Variants in OGDH observed in about 807,000 individuals in gnomAD.
OGDH encodes the protein oxoglutarate dehydrogenase, also known as 2-oxoglutarate dehydrogenase complex component E1.
In OGDH, 38 loss-of-function variants were observed where a neutral mutation model predicts 116.6. That is an observed-to-expected ratio of 0.33 (90% CI 0.25 to 0.43). OGDH has a LOEUF of 0.43. Among genes scored for constraint, OGDH ranks in the 20% least tolerant of loss-of-function variants. The pLI, the probability that OGDH is intolerant of heterozygous loss-of-function variation, is 1.00. For synonymous variants in OGDH, 488 were observed against 533.3 expected (o/e 0.92, Z 1.17); for missense variants, 825 against 1,357.2 (o/e 0.61, Z 6.16).
chr7:44,670,637 G>C (rs969311038), intron 5 of OGDH, among the ~76,000 whole-genome samples: 2 of 152,146 alleles, frequency 1.3e-5, no homozygotes, highest in East Asian at 3.9e-4. Flanking sequence ...GGGATTAGGG[G>C]GCCAACTACA....
chr7:44,679,494 T>G (rs1306134244), intron 9 of OGDH, among the ~76,000 whole-genome samples: 1 of 152,156 alleles, frequency 6.6e-6, no homozygotes, highest in Admixed American at 6.5e-5. Flanking sequence ...AAATCATGGG[T>G]CTTAACCAAG....
chr7:44,670,805 T>G (rs978793744), intron 5 of OGDH, among the ~76,000 whole-genome samples: 1 of 151,672 alleles, frequency 6.6e-6, no homozygotes, highest in Non-Finnish European at 1.5e-5. Context: ...GGTCAGGAGA[T>G]CGAGACCATC....
Position 44,675,920 on chromosome 7 carries a change from G to C in OGDH, c.1027-50G>C, listed in dbSNP as rs780105177. ...TCCCGTATAAAAGGGCTCTTTTGGA[G>C]ACTGAGCATCTCCTTGGCCAGGGTG... On this transcript the variant is annotated intron_variant, in intron 8 of 22. Coordinates refer to ENST00000222673, the MANE Select transcript of OGDH (RefSeq NM_002541.4). The C allele has an allele frequency of 2.5e-6, 4 of 1,588,448 alleles. No individual in the cohort carries two copies. The African/African-American group carries it at 5.4e-5, about 21-fold the overall frequency.
chr7:44,636,933 G>C (rs1330817329), intron 2 of OGDH, among the ~76,000 whole-genome samples: 1 of 152,096 alleles, frequency 6.6e-6, no homozygotes, highest in Non-Finnish European at 1.5e-5. Context: ...GAGTGGGGTG[G>C]GGGGGCACAC....
chr7:44,707,744 T>C lies in OGDH; in HGVS notation c.2951+8T>C. Reference sequence around the variant, plus strand: ...CCGCGCCAAGCCCGTCTGGTAAGGCTTCAGTCCCTGCCAGGAAGGCTGTGG... The same window carrying C: ...CCGCGCCAAGCCCGTCTGGTAAGGCCTCAGTCCCTGCCAGGAAGGCTGTGG... On this transcript the variant is annotated splice_region_variant and intron_variant, in intron 22 of 22. Transcript: ENST00000222673. This position sits in a 1 kb window ranked among gnomAD's most constrained non-coding sequence, Gnocchi z 5.2. The C allele has an allele frequency of 6.2e-7, 1 of 1,614,104 alleles. No individual in the cohort carries two copies. Among genetic ancestry groups the C allele is most frequent in the Non-Finnish European group, 8.5e-7 (1 of 1,180,010 alleles).
At chr7:44,679,038 G>T (rs1248083846) in intron 9 of OGDH, among the ~76,000 whole-genome samples, 1 of 152,182 alleles carries the variant, frequency 6.6e-6, no homozygotes, top group Admixed American at 6.5e-5. Context: ...CCTGCCAGAG[G>T]TATGGCTCAG....
chr7:44,631,983 C>T (rs1047736777), intron 2 of OGDH, among the ~76,000 whole-genome samples: 2 of 152,156 alleles, frequency 1.3e-5, no homozygotes, highest in Non-Finnish European at 2.9e-5. Context: ...CAGGGGCTCA[C>T]GGTCACTCAG....
chr7:44,694,558 C>T lies in OGDH; in HGVS notation c.1650C>T (p.Val550=), dbSNP rs768922872. The change falls in exon 12 of 23, where the codon GTC becomes GTT. Residue 550 remains valine (V), a synonymous_variant. Coordinates refer to ENST00000222673, the MANE Select transcript of OGDH (RefSeq NM_002541.4). This position sits in a 1 kb window ranked among gnomAD's most constrained non-coding sequence, Gnocchi z 4.2. ...AGCTGCTGGTGTCGCAGGGTGTGGT[C>T]AACCAGCCTGAGTATGAGGTACGTC... ...YAELLVSQGV[V]NQPEYEEEIS... is the part of the protein sequence containing the mutation. The T allele has an allele frequency of 6.2e-7, 1 of 1,614,110 alleles. No individual in the cohort carries two copies. Among genetic ancestry groups the T allele is most frequent in the Non-Finnish European group, 8.5e-7 (1 of 1,180,024 alleles).
At chr7:44,628,835 A>G (rs915032202) in intron 2 of OGDH, among the ~76,000 whole-genome samples, 1 of 152,132 alleles carries the variant, frequency 6.6e-6, no homozygotes, top group Non-Finnish European at 1.5e-5. Flanking sequence ...TCAGAGCTGC[A>G]AGTACCTTTT....
chr7:44,615,834 C>G (rs1784744834), intron 1 of OGDH, among the ~76,000 whole-genome samples: 1 of 152,016 alleles, frequency 6.6e-6, no homozygotes, highest in African/African-American at 2.4e-5. Flanking sequence ...TCGAGGCCAC[C>G]CTGGCCAACA....
In OGDH at chr7:44,674,425, T is replaced by C; in HGVS notation, c.803T>C (p.Leu268Pro). The change falls in exon 7 of 23, where the codon CTA becomes CCA. Residue 268 changes from leucine (L) to proline (P), a missense_variant. Physicochemically the swap from Leu to Pro is moderately conservative, Grantham distance 98 (BLOSUM62 -3). This residue lies in a region of OGDH where 171 missense variants were observed against 276.8 expected (regional missense o/e 0.62). Coordinates refer to ENST00000222673, the MANE Select transcript of OGDH (RefSeq NM_002541.4). Reference protein sequence around the residue: ...LVRSTRFEEFLQRKWSSEKRF... With the variant: ...LVRSTRFEEFPQRKWSSEKRF... ...TCCCTGTCCAGGTTTGAGGAGTTCCTACAGCGGAAGTGGTCCTCTGAGAAG... is the reference window on the plus strand; with the variant it reads ...TCCCTGTCCAGGTTTGAGGAGTTCCCACAGCGGAAGTGGTCCTCTGAGAAG... 6.2e-7 allele frequency: 1 copy of C among 1,614,140 alleles called. No homozygotes were observed. Among genetic ancestry groups the C allele is most frequent in the Non-Finnish European group, 8.5e-7 (1 of 1,180,004 alleles).
chr7:44,634,864 C>T (rs774409667), intron 2 of OGDH, among the ~76,000 whole-genome samples: 1 of 152,206 alleles, frequency 6.6e-6, no homozygotes, highest in Admixed American at 6.5e-5. Flanking sequence ...GTGCTTAGCC[C>T]AACAGCATGA....
At position 44,608,170 on chromosome 7, in the gene OGDH, A is replaced by G. The variant is rs546083553; in HGVS notation, c.-28+1517A>G. On this transcript the variant is annotated intron_variant, in intron 1 of 22. Transcript: ENST00000222673. ...GTAATCCCCACACTTTGGGAGTGTG[A>G]AAGGAAGATCCCTTGAGCTCAGTTC... Among the ~76,000 whole-genome samples the G allele has an allele frequency of 2.9e-4, 44 of 152,266 alleles. 1 individual carries two copies. The highest frequency in any genetic ancestry group is 1.9e-3 in the Admixed American group (29 of 15,284).
chr7:44,700,298 C>T (rs777922236), intron 19 of OGDH, 29 bp downstream of exon 19: 48 of 1,612,690 alleles, frequency 3.0e-5, no homozygotes, highest in South Asian at 3.3e-5. Flanking sequence ...CTTGCTCAAA[C>T]GAGGCCTGGC....
At position 44,624,312 on chromosome 7, in the gene OGDH, T is replaced by G; in HGVS notation, c.-27-5T>G. The stretch of plus-strand genomic sequence containing the variant: ...TCTTGTTTTTTTTTTTTTTTTTTTG[T>G]ACAGGCAGTTGTGAAAAACTTCAGG... On this transcript the variant is annotated splice_region_variant and splice_polypyrimidine_tract_variant and intron_variant, in intron 1 of 22. Coordinates refer to ENST00000222673, the MANE Select transcript of OGDH (RefSeq NM_002541.4). 1.6e-6 allele frequency: 2 copies of G among 1,255,806 alleles called. No individual in the cohort carries two copies. The highest frequency in any genetic ancestry group is 2.0e-5 in the Admixed American group (1 of 50,574). 77.8% of individuals were successfully genotyped at this position (1,255,806 alleles called of 1,614,324 possible).
chr7:44,656,403 A>G (rs1453866089), intron 4 of OGDH: 1 of 1,521,124 alleles, frequency 6.6e-7, no homozygotes, highest in South Asian at 1.2e-5. Context: ...AGAGTTGAGG[A>G]CTTCATTTGA....
At chr7:44,608,229 C>T (rs945643764) in intron 1 of OGDH, among the ~76,000 whole-genome samples, 1 of 152,034 alleles carries the variant, frequency 6.6e-6, no homozygotes, top group African/African-American at 2.4e-5. Context: ...AAGTGATACC[C>T]GGCGTCTACA....
At chr7:44,629,018 C>T (rs979117150) in intron 2 of OGDH, among the ~76,000 whole-genome samples, 3 of 152,160 alleles carry the variant, frequency 2.0e-5, no homozygotes, top group Admixed American at 2.0e-4. Flanking sequence ...TCTTAAGAGC[C>T]TTCAGCGGTG....
In OGDH at chr7:44,696,950, T is replaced by TG; in HGVS notation, c.1938dup (p.Lys647GlufsTer46). On this transcript the variant is annotated frameshift_variant, in exon 15 of 23. Transcript: ENST00000222673. LOFTEE classifies it high-confidence loss of function. ...ATCTTGAAGACTCGTGGGGAAATGG[T>TG]GAAGAACCGGACTGTGGACTGGGCT... The TG allele has an allele frequency of 6.2e-7, 1 of 1,613,816 alleles. No individual in the cohort carries two copies.
Sources: gnomAD v4.1 joint callset for allele counts (sites outside exome capture counted in the v4.1 genomes callset) on GRCh38, gnomAD v4.1.1 for gene constraint, gnomAD v4.1.1 regional missense constraint, Gnocchi (gnomAD v3.1) non-coding constraint, MANE v1.5 for transcripts, NCBI Gene and HGNC (gene_info 2026-07-23, HGNC 2026-07-21) for gene names.